Variants in GNL3L observed in about 807,000 individuals in gnomAD.
GNL3L encodes the protein G protein nucleolar 3 like, also known as guanine nucleotide-binding protein-like 3-like protein.
GNL3L carries 4 observed loss-of-function variants against 42.9 expected under a neutral mutation model. That is an observed-to-expected ratio of 0.09 (90% confidence interval 0.05 to 0.21). The LOEUF (loss-of-function observed/expected upper bound fraction) is 0.21. GNL3L is among the 10% of genes least tolerant of loss of function. The pLI is 1.00. For synonymous variants in GNL3L, 159 were observed against 176.3 expected, an observed-to-expected ratio of 0.90 and a Z score of 0.78; for missense variants, 412 against 481.7, an observed-to-expected ratio of 0.86 and a Z score of 1.36.
At chrX:54,581,861 T>G (rs1262611885) in intron 16 of GNL3L, among the ~76,000 whole-genome samples, 1 of 112,096 alleles carries the variant, frequency 8.9e-6, no homozygotes, top group African/African-American at 3.2e-5. Context: ...TCAATAAAGC[T>G]AGGATGAACA....
downstream of GNL3L, among the ~76,000 whole-genome samples, chrX:54,571,984 C>CTATTT (rs1261698266): frequency 9.4e-6 from 1 of 106,639 alleles, no homozygotes; most frequent in African/African-American, 3.4e-5. Flanking sequence ...TGGGTAGTTT[C>CTATTT]TATTTTATTT....
chrX:54,551,160 T>A (rs1924926103), intron 10 of GNL3L, 110 bp downstream of exon 10: 1 of 529,198 alleles, frequency 1.9e-6, no homozygotes, highest in Non-Finnish European at 3.3e-6. Flanking sequence ...CATCCCCTGA[T>A]GCTTTCCCCA....
At chrX:54,614,799 G>T (rs779863507) in intron 16 of GNL3L, among the ~76,000 whole-genome samples, 19 of 111,353 alleles carry the variant, frequency 1.7e-4, no homozygotes, top group Non-Finnish European at 3.4e-4. Context: ...GGTGCAGTCT[G>T]CTTCCTTCAG....
At chrX:54,538,229 TC>T (rs1193298083) in intron 2 of GNL3L, among the ~76,000 whole-genome samples, 17 of 111,199 alleles carry the variant, frequency 1.5e-4, no homozygotes, top group African/African-American at 5.6e-4. Context: ...AAGTTCTGTT[TC>T]GTACCTTAAC....
intron 14 of GNL3L, among the ~76,000 whole-genome samples, chrX:54,556,940 G>A (rs1038073935): frequency 7.2e-5 from 8 of 110,993 alleles, no homozygotes; most frequent in South Asian, 7.6e-4. Context: ...CAGCACTTTG[G>A]GAAGCCAAGG....
the GNL3L span, among the ~76,000 whole-genome samples, chrX:54,628,212 GGTGTGTGTGTGTGT>G: frequency 1.7e-4 from 16 of 95,771 alleles, no homozygotes; most frequent in African/African-American, 2.3e-4. Flanking sequence ...AGTATTCCGT[GGTGTGTGTGTGTGT>G]GTGTGTGTGT....
intron 16 of GNL3L, among the ~76,000 whole-genome samples, chrX:54,589,770 G>A (rs1252248170): frequency 2.7e-5 from 3 of 110,990 alleles, no homozygotes; most frequent in Non-Finnish European, 5.7e-5. Flanking sequence ...AGGATTGCTG[G>A]ATCATATGTT....
chrX:54,593,615 G>T (rs1325729285), intron 16 of GNL3L, among the ~76,000 whole-genome samples: 1 of 107,998 alleles, frequency 9.3e-6, no homozygotes, highest in African/African-American at 3.4e-5. Context: ...TTCTGCTCTG[G>T]TCCTTATCAT....
intron 16 of GNL3L, among the ~76,000 whole-genome samples, chrX:54,598,992 C>T: frequency 9.0e-6 from 1 of 111,527 alleles, no homozygotes; most frequent in Non-Finnish European, 1.9e-5. Flanking sequence ...ATGATAGGCA[C>T]CAAACCAGAG....
chrX:54,608,994 C>T (rs375569458), intron 16 of GNL3L, among the ~76,000 whole-genome samples: 10 of 111,612 alleles, frequency 9.0e-5, no homozygotes, highest in Non-Finnish European at 1.3e-4. Flanking sequence ...GTTCCCTGTT[C>T]GCTGCATCCA....
At position 54,566,354 on chromosome X, in the gene GNL3L, C is replaced by G. The variant is rs1377865660; in HGVS notation, c.*5752C>G. On this transcript the variant is annotated 3_prime_UTR_variant, in exon 16 of 16. Transcript: ENST00000360845. The stretch of plus-strand genomic sequence containing the variant: ...GTCTTTCGTTGATAGACATTTAGGT[C>G]GATTCCATGTCTTTGGTATTGTGAA... Among the ~76,000 whole-genome samples the G allele has an allele frequency of 9.0e-6, 1 of 111,481 alleles. No individual in the cohort carries two copies. Among genetic ancestry groups the G allele is most frequent in the Non-Finnish European group, 1.9e-5 (1 of 53,166 alleles).
rs112934756 is a variant in GNL3L at position 54,603,718 on chromosome X, A to G, written c.*46-17127A>G. Among the ~76,000 whole-genome samples the G allele has an allele frequency of 1.1e-4, 12 of 111,507 alleles. No individual in the cohort carries two copies. The East Asian group carries it at 3.1e-3, about 29-fold the overall frequency. ...TAACGTTTTGCCCATTATTGCAATA[A>G]TGGCAAATGTAATAATTTGCCATTA... On this transcript the variant is annotated intron_variant, in intron 16 of 16. Coordinates refer to the GNL3L transcript ENST00000674498.
At chrX:54,591,521 A>G (rs1193641872) in intron 16 of GNL3L, among the ~76,000 whole-genome samples, 2 of 105,927 alleles carry the variant, frequency 1.9e-5, no homozygotes, top group Admixed American at 2.1e-4. Context: ...TGGACCCGGG[A>G]GGTGGAGGTT....
Position 54,607,401 on chromosome X carries a change from G to A in GNL3L, c.*46-13444G>A, listed in dbSNP as rs370779721. ...AAAATTTCCCTATTGTAGCAATGGG[G>A]CACACCTAGGACCCAGATCTTGGAT... On this transcript the variant is annotated intron_variant, in intron 16 of 16. Coordinates refer to the GNL3L transcript ENST00000674498. Among the ~76,000 whole-genome samples, 109 of 105,077 alleles carry A rather than the reference G, an allele frequency of 1.0e-3. 2 individuals are homozygous for A. The South Asian group carries it at 0.048, about 46-fold the overall frequency. The allele number at this position is 105,077 out of a possible 115,157, so 91.2% of individuals were successfully genotyped here.
intron 16 of GNL3L, among the ~76,000 whole-genome samples, chrX:54,582,739 C>T (rs1250025681): frequency 8.1e-5 from 9 of 111,645 alleles, no homozygotes; most frequent in East Asian, 2.8e-4. Flanking sequence ...CGTGCCACCA[C>T]GCCCAGCTAA....
At chrX:54,530,844 C>T (rs1160706666) in intron 1 of GNL3L, among the ~76,000 whole-genome samples, 1 of 111,292 alleles carries the variant, frequency 9.0e-6, no homozygotes, top group Admixed American at 9.6e-5. Context: ...GATGTATCTG[C>T]CCCCATACCA....
rs7886376 is a variant in GNL3L at position 54,599,916 on chromosome X, C to T, written c.*46-20929C>T. On this transcript the variant is annotated intron_variant, in intron 16 of 16. Coordinates refer to the GNL3L transcript ENST00000674498. ...TCTAAAATTTCCATTTTCTTCTCTTCATATCTTCTATTTATTTGTAGAGGC... is the reference window on the plus strand; with the variant it reads ...TCTAAAATTTCCATTTTCTTCTCTTTATATCTTCTATTTATTTGTAGAGGC... Among the ~76,000 whole-genome samples, 274 of 111,038 alleles carry T rather than the reference C, an allele frequency of 2.5e-3. 1 individual carries two copies. Among genetic ancestry groups the T allele is most frequent in the African/African-American group, 8.6e-3 (264 of 30,769 alleles).
At chrX:54,630,698 CTTTCTTTCTT>C in the GNL3L span, among the ~76,000 whole-genome samples, 10 of 2,587 alleles carry the variant, frequency 3.9e-3, no homozygotes, top group South Asian at 0.056. Flanking sequence ...TCCTTCCTTC[CTTTCTTTCTT>C]TTTCTTTCTT....
intron 16 of GNL3L, among the ~76,000 whole-genome samples, chrX:54,585,135 A>C (rs1204178784): frequency 9.0e-6 from 1 of 111,692 alleles, no homozygotes; most frequent in Non-Finnish European, 1.9e-5. Flanking sequence ...ATCTTCACCA[A>C]AACTTGTCTT....
Sources: allele counts gnomAD v4.1 joint callset (sites outside exome capture counted in the v4.1 genomes callset), GRCh38; gene constraint gnomAD v4.1.1; transcripts MANE v1.5; gene names NCBI Gene and HGNC (gene_info 2026-07-23, HGNC 2026-07-21).